Variants in MLIP observed in about 807,000 individuals in gnomAD.
The protein encoded by MLIP is muscular LMNA-interacting protein.
Under a neutral mutation model 84.8 loss-of-function variants are expected in MLIP, and 79 were observed. That is an observed-to-expected ratio of 0.93 (90% CI 0.78 to 1.12). The LOEUF (loss-of-function observed/expected upper bound fraction) is 1.12, where lower values mean the gene tolerates loss of function less well. Ranked by LOEUF, MLIP falls within the 50% of genes most tolerant of loss-of-function variation. The probability of loss-of-function intolerance (pLI) is 0.00; values close to 1 mark genes in which losing one functional copy is unlikely to be tolerated. For missense variants in MLIP, 1,257 were observed against 1,160.6 expected (o/e 1.08, Z -1.21); for synonymous variants, 504 against 463.0 (o/e 1.09, Z -1.14).
In MLIP at chr6:54,254,373, C is replaced by T. The variant is rs895968427; in HGVS notation, c.2923-2935C>T. Reference sequence around the variant, plus strand: ...AACTCCTGATCTTGTGATCCACCCGCCTAGGCCTCCCAAAGTGCTGGGATT... The same window carrying T: ...AACTCCTGATCTTGTGATCCACCCGTCTAGGCCTCCCAAAGTGCTGGGATT... On this transcript the variant is annotated intron_variant, in intron 12 of 13. Transcript: ENST00000502396. 3.9e-5 allele frequency among the ~76,000 whole-genome samples: 6 copies of T among 152,112 alleles called. No individual in the cohort carries two copies. In the South Asian group the frequency reaches 1.0e-3, roughly 26 times the overall value.
intron 12 of MLIP, among the ~76,000 whole-genome samples, chr6:54,235,514 T>G (rs890223668): frequency 5.9e-5 from 9 of 152,326 alleles, no homozygotes; most frequent in Admixed American, 5.2e-4. Flanking sequence ...TATTTATTTG[T>G]TGTGCTTGTC....
At chr6:54,207,372 C>A (rs1779102319) in intron 11 of MLIP, among the ~76,000 whole-genome samples, 1 of 151,234 alleles carries the variant, frequency 6.6e-6, no homozygotes, top group African/African-American at 2.4e-5. Context: ...GTTAGATAGG[C>A]TCACTTCTTC....
chr6:54,191,629 C>G (rs1261876330), intron 10 of MLIP, among the ~76,000 whole-genome samples: 1 of 152,146 alleles, frequency 6.6e-6, no homozygotes, highest in Non-Finnish European at 1.5e-5. Context: ...TGAGAGCATT[C>G]TATTGCGTAC....
intron 5 of MLIP, among the ~76,000 whole-genome samples, chr6:54,158,519 A>G (rs1774282016): frequency 6.6e-6 from 1 of 152,100 alleles, no homozygotes; most frequent in Non-Finnish European, 1.5e-5. Flanking sequence ...AGATTTTCAA[A>G]CTTTGAAAGC....
Position 54,069,146 on chromosome 6 carries a change from G to T in MLIP, c.63+50055G>T, listed in dbSNP as rs191694969. On this transcript the variant is annotated intron_variant, in intron 1 of 12. Transcript: ENST00000274897. ...TCCATGTGTTTTAAGAATCTGTGCT[G>T]TGTCTCCGTGTCTGCAATCCAGGGT... is the stretch of plus-strand genomic sequence containing the variant. Among the ~76,000 whole-genome samples the T allele has an allele frequency of 5.9e-5, 6 of 101,364 alleles. 1 individual carries two copies. The East Asian group carries it at 1.6e-3, about 27-fold the overall frequency. The allele number at this position is 101,364 out of a possible 152,430, so 66.5% of individuals were successfully genotyped here.
chr6:54,167,270 C>G (rs552995110), intron 8 of MLIP, among the ~76,000 whole-genome samples: 1 of 151,994 alleles, frequency 6.6e-6, no homozygotes, highest in African/African-American at 2.4e-5. Flanking sequence ...TCACAAGGTC[C>G]TGTATGGTCT....
At chr6:54,246,394 T>C (rs1421334090) in intron 12 of MLIP, among the ~76,000 whole-genome samples, 1 of 152,144 alleles carries the variant, frequency 6.6e-6, no homozygotes, top group African/African-American at 2.4e-5. Context: ...TCTTTTTTTC[T>C]GTCCCTTATA....
intron 1 of MLIP, among the ~76,000 whole-genome samples, chr6:54,097,701 C>A (rs191374451): frequency 6.6e-6 from 1 of 152,072 alleles, no homozygotes; most frequent in Non-Finnish European, 1.5e-5. Context: ...AATCATCTAA[C>A]GTATGTTGAG....
intron 13 of MLIP, chr6:54,261,648 G>A (rs1783400984): frequency 1.0e-6 from 1 of 984,410 alleles, no homozygotes; most frequent in East Asian, 1.1e-4. Context: ...CTCCACTGAT[G>A]TCTAAGGTTC....
At chr6:54,153,610 G>A (rs1396892649) in intron 5 of MLIP, among the ~76,000 whole-genome samples, 2 of 152,064 alleles carry the variant, frequency 1.3e-5, no homozygotes. Flanking sequence ...CACTTTAGGA[G>A]GCCGAGGAGG....
chr6:54,146,479 C>G (rs1289309321), intron 4 of MLIP, among the ~76,000 whole-genome samples: 1 of 152,122 alleles, frequency 6.6e-6, no homozygotes, highest in Non-Finnish European at 1.5e-5. Context: ...GAAGAGAGCT[C>G]TTGGCATGAG....
intron 1 of MLIP, among the ~76,000 whole-genome samples, chr6:54,066,597 C>T (rs1766237579): frequency 1.0e-5 from 1 of 99,712 alleles, no homozygotes; most frequent in Non-Finnish European, 2.9e-5. Context: ...GCCAAATTTG[C>T]TTACTTAGGG....
chr6:54,133,660 A>C, intron 3 of MLIP, among the ~76,000 whole-genome samples: 1 of 152,194 alleles, frequency 6.6e-6, no homozygotes, highest in East Asian at 1.9e-4. Flanking sequence ...AGGCAGTAAA[A>C]ATACAAGGCA....
intron 3 of MLIP, among the ~76,000 whole-genome samples, chr6:54,126,989 TCAGCTCTCCTGAA>T (rs1770974363): frequency 2.0e-5 from 3 of 152,088 alleles, no homozygotes; most frequent in African/African-American, 7.2e-5. Flanking sequence ...CCTCTCTTCT[TCAGCTCTCCTGAA>T]CAATCACCAA....
At chr6:54,257,759 A>G (rs1278363746) in intron 13 of MLIP, among the ~76,000 whole-genome samples, 1 of 152,060 alleles carries the variant, frequency 6.6e-6, no homozygotes, top group Non-Finnish European at 1.5e-5. Flanking sequence ...TCTCAGTTTC[A>G]GTTCATAGGA....
At chr6:54,251,013 G>A (rs1023881699) in intron 12 of MLIP, among the ~76,000 whole-genome samples, 5 of 152,036 alleles carry the variant, frequency 3.3e-5, no homozygotes, top group South Asian at 2.1e-4. Context: ...AGGTGACAAC[G>A]TCTGTTCACT....
At chr6:54,035,184 C>T (rs953147410) in intron 1 of MLIP, among the ~76,000 whole-genome samples, 1 of 152,152 alleles carries the variant, frequency 6.6e-6, no homozygotes, top group African/African-American at 2.4e-5. Flanking sequence ...GGACTCATTT[C>T]TTAGAATGAA....
intron 9 of MLIP, among the ~76,000 whole-genome samples, chr6:54,176,313 T>C (rs753129070): frequency 6.6e-6 from 1 of 151,536 alleles, no homozygotes; most frequent in Non-Finnish European, 1.5e-5. Flanking sequence ...GTAGAATTGG[T>C]ATTAATTCTT....
intron 5 of MLIP, among the ~76,000 whole-genome samples, chr6:54,157,259 T>A (rs1774123724): frequency 6.6e-6 from 1 of 152,104 alleles, no homozygotes; most frequent in South Asian, 2.1e-4. Context: ...AGAGGTCGCA[T>A]GTGGTGTAAG....
Sources: gnomAD v4.1 joint callset for allele counts (sites outside exome capture counted in the v4.1 genomes callset) on GRCh38, gnomAD v4.1.1 for gene constraint, MANE v1.5 for transcripts, NCBI Gene and HGNC (gene_info 2026-07-23, HGNC 2026-07-21) for gene names.